NAPRT: variants seen among roughly 807,000 people sequenced by gnomAD.
The protein encoded by NAPRT is FHA-HIT-interacting protein.
NAPRT carries 66 observed loss-of-function variants against 60.7 expected under a neutral mutation model. The observed-to-expected ratio is 1.09, with a 90% CI of 0.89 to 1.33. The LOEUF is 1.33. Among genes scored for constraint, NAPRT ranks in the 40% most tolerant of loss-of-function variants. NAPRT has a pLI of 0.00. For missense variants in NAPRT, 818 were observed against 731.5 expected, an observed-to-expected ratio of 1.12 and a Z score of -1.36; for synonymous variants, 405 against 335.7, an observed-to-expected ratio of 1.21 and a Z score of -2.26.
chr8:143,577,407 G>C lies in NAPRT; in HGVS notation c.438-8C>G, dbSNP rs779782576. The C allele has an allele frequency of 2.5e-6, 4 of 1,604,248 alleles. No homozygotes were observed. Among genetic ancestry groups the C allele is most frequent in the Non-Finnish European group, 3.4e-6 (4 of 1,176,206 alleles). ...GCGTTGGTGGCCACCAGGCTGTGGG[G>C]AGCCAAGAGTCAGGGGGTCCCAGGG... On this transcript the variant is annotated splice_polypyrimidine_tract_variant and splice_region_variant and intron_variant, in intron 3 of 12. Coordinates refer to ENST00000449291, the MANE Select transcript of NAPRT (RefSeq NM_145201.6).
rs756937895 is a variant in NAPRT at position 143,576,587 on chromosome 8, A to T, written c.882-15T>A. 1.9e-6 allele frequency: 3 copies of T among 1,608,406 alleles called. No homozygotes were observed. Among genetic ancestry groups the T allele is most frequent in the Non-Finnish European group, 2.5e-6 (3 of 1,177,286 alleles). ...GGAGACCACTCCTGCAGAAATAGAT[A>T]AGGGAGTCAGAGGCTGCTGAGGTTC... On this transcript the variant is annotated splice_polypyrimidine_tract_variant and intron_variant, in intron 6 of 12. Transcript: ENST00000449291.
At chr8:143,577,562 T>C (rs966345734) in intron 3 of NAPRT, 95 bp downstream of exon 3, 22 of 1,485,998 alleles carry the variant, frequency 1.5e-5, no homozygotes, top group Non-Finnish European at 2.0e-5. Flanking sequence ...CTGGGACCCC[T>C]GGGCAGCCAG....
Position 143,577,885 on chromosome 8 carries a change from G to T in NAPRT, c.285C>A (p.His95Gln). Reference sequence around the variant, plus strand: ...CCTCGGAGCAGTCGAGGGCCCGAAGGTGCTCGAAGAACGCAGGATCCGTGT... The same window carrying T: ...CCTCGGAGCAGTCGAGGGCCCGAAGTTGCTCGAAGAACGCAGGATCCGTGT... Reference protein sequence around the residue: ...PPDTDPAFFEHLRALDCSEVT... With the variant: ...PPDTDPAFFEQLRALDCSEVT... The change falls in exon 2 of 13, where the codon CAC becomes CAA. Residue 95 changes from histidine (H) to glutamine (Q), a missense_variant. By Grantham distance (24) the His-to-Gln change is conservative (BLOSUM62 0). Transcript: ENST00000449291. The T allele has an allele frequency of 6.2e-7, 1 of 1,612,366 alleles. No homozygotes were observed. Among genetic ancestry groups the T allele is most frequent in the Non-Finnish European group, 8.5e-7 (1 of 1,179,772 alleles).
In NAPRT at chr8:143,577,418, C is replaced by T; in HGVS notation, c.438-19G>A. 6.3e-7 allele frequency: 1 copy of T among 1,595,086 alleles called. No individual in the cohort carries two copies. Among genetic ancestry groups the T allele is most frequent in the Non-Finnish European group, 8.5e-7 (1 of 1,170,438 alleles). Reference sequence around the variant, plus strand: ...CACCAGGCTGTGGGGAGCCAAGAGTCAGGGGGTCCCAGGGTGAGGATCACT... The same window carrying T: ...CACCAGGCTGTGGGGAGCCAAGAGTTAGGGGGTCCCAGGGTGAGGATCACT... On this transcript the variant is annotated intron_variant, in intron 3 of 12. Transcript: ENST00000449291.
rs1416629565 is a variant in NAPRT, at chr8:143,576,141, C to T, written c.1044G>A (p.Glu348=). Residue 348 remains glutamate, a synonymous_variant, in exon 8 of 13, where the codon GAG becomes GAA. Transcript: ENST00000449291. The part of the protein sequence containing the change: ...AAAQFQVPWL[E]SVLIVVSNNI... The stretch of plus-strand genomic sequence containing the variant: ...TGTTGCTGACTACGATGAGGACTGA[C>T]TCCAGCCAGGGCACCTGGAACCTGC... 1 of 1,603,844 alleles carries T rather than the reference C, an allele frequency of 6.2e-7. No individual in the cohort carries two copies. Among genetic ancestry groups the T allele is most frequent in the Admixed American group, 1.7e-5 (1 of 59,386 alleles).
At position 143,574,911 on chromosome 8, in the gene NAPRT, C is replaced by T. The variant is rs1824317122; in HGVS notation, c.1555-11G>A. ...CTCGGACAGCACCACCTGCAGGGAGCAGAGGACAGGAGCGGTGGGCAGGGT... is the reference window on the plus strand; with the variant it reads ...CTCGGACAGCACCACCTGCAGGGAGTAGAGGACAGGAGCGGTGGGCAGGGT... On this transcript the variant is annotated splice_polypyrimidine_tract_variant and intron_variant, in intron 12 of 12. Transcript: ENST00000449291. 4 of 1,550,604 alleles carry T rather than the reference C, an allele frequency of 2.6e-6. No homozygotes were observed. Among genetic ancestry groups the T allele is most frequent in the Non-Finnish European group, 3.5e-6 (4 of 1,146,990 alleles).
At chr8:143,574,758 A>G, downstream of NAPRT, 7 of 1,530,308 alleles carry the variant, frequency 4.6e-6, no homozygotes, top group Non-Finnish European at 6.2e-6. Context: ...CTGGGTGAAC[A>G]AACGACACAA....
In NAPRT at chr8:143,577,170, G is replaced by C; in HGVS notation, c.576C>G (p.Asp192Glu). The change falls in exon 5 of 13, where the codon GAC becomes GAG. Residue 192 changes from aspartate to glutamate, a missense_variant. Physicochemically the swap from Asp to Glu is conservative, Grantham distance 45 (BLOSUM62 2). Transcript: ENST00000449291. ...GGCCCGCTAGCACGTTGCTGCTGCT[G>C]TCGAAGCCTGGGGAGGAAGGCGGTG... ...ASTYSYLGGF[D>E]SSSNVLAGQL... 6.2e-7 allele frequency: 1 copy of C among 1,611,820 alleles called. No homozygotes were observed. Among genetic ancestry groups the C allele is most frequent in the East Asian group, 2.2e-5 (1 of 44,838 alleles).
In NAPRT at chr8:143,576,468, TGA is replaced by T; in HGVS notation, c.984_985del (p.Gln329GlyfsTer30). 1.9e-6 allele frequency: 3 copies of T among 1,611,996 alleles called. No homozygotes were observed. The highest frequency in any genetic ancestry group is 2.5e-6 in the Non-Finnish European group (3 of 1,179,382). ...AGCTCGGAAGACCTTGCGGATCTCC[TGA>T]GCCTGCTGTAGCAGGTCACCACTGT... On this transcript the variant is annotated frameshift_variant, in exon 7 of 13. Transcript: ENST00000449291. LOFTEE classifies it high-confidence loss of function.
chr8:143,576,108 G>T lies in NAPRT; in HGVS notation c.1077C>A (p.Asp359Glu). 1 of 1,605,344 alleles carries T rather than the reference G, an allele frequency of 6.2e-7. No homozygotes were observed. ...SVLIVVSNNI[D>E]EEALARLAQE... ...GGGCCAGTCGGGCCAGCGCCTCCTCGTCAATGTTGTTGCTGACTACGATGA... is the reference window on the plus strand; with the variant it reads ...GGGCCAGTCGGGCCAGCGCCTCCTCTTCAATGTTGTTGCTGACTACGATGA... Residue 359 changes from aspartate (D) to glutamate (E), a missense_variant, in exon 8 of 13, where the codon GAC becomes GAA. Physicochemically the swap from Asp to Glu is conservative, Grantham distance 45. Transcript: ENST00000449291.
rs770752101 is a variant in NAPRT at position 143,576,857 on chromosome 8, C to T, written c.685-15G>A. 5.0e-6 allele frequency: 8 copies of T among 1,584,934 alleles called. No individual in the cohort carries two copies. The highest frequency in any genetic ancestry group is 1.7e-5 in the Admixed American group (1 of 57,786). On this transcript the variant is annotated splice_polypyrimidine_tract_variant and intron_variant, in intron 5 of 12. Transcript: ENST00000449291. ...GGCGCCAACATCTGTGGAACAGAGT[C>T]GGTGAAGAATGGGGGCCAGGAATGC...
intron 7 of NAPRT, 22 bp downstream of exon 7, chr8:143,576,410 A>G: frequency 6.3e-7 from 1 of 1,587,226 alleles, no homozygotes; most frequent in Non-Finnish European, 8.6e-7. Flanking sequence ...CACCAGGCAC[A>G]CCTCCTCCCC....
downstream of NAPRT, among the ~76,000 whole-genome samples, chr8:143,573,278 G>A (rs1372914567): frequency 6.6e-6 from 1 of 152,188 alleles, no homozygotes; most frequent in East Asian, 1.9e-4. Flanking sequence ...GGGGCAGCCC[G>A]GAGGTGTGGA....
chr8:143,575,619 T>C lies in NAPRT; in HGVS notation c.1188+3A>G, dbSNP rs768557276. The C allele has an allele frequency of 6.3e-7, 1 of 1,592,370 alleles. No homozygotes were observed. The highest frequency in any genetic ancestry group is 1.1e-5 in the South Asian group (1 of 88,522). Reference sequence around the variant, plus strand: ...CCACCTGGGCCCCCGACACTGTCCCTACCTTATAGACGCCACCCAGGGAAG... The same window carrying C: ...CCACCTGGGCCCCCGACACTGTCCCCACCTTATAGACGCCACCCAGGGAAG... On this transcript the variant is annotated splice_donor_region_variant and intron_variant, in intron 9 of 12. Transcript: ENST00000449291.
In NAPRT at chr8:143,577,865, G is replaced by A; in HGVS notation, c.305C>T (p.Ser102Phe). The A allele has an allele frequency of 1.2e-6, 2 of 1,612,224 alleles. No individual in the cohort carries two copies. Among genetic ancestry groups the A allele is most frequent in the South Asian group, 2.2e-5 (2 of 91,062 alleles). The part of the protein sequence containing the change: ...FFEHLRALDC[S>F]EVTVRALPEG... ...GGGCAGGGCTCGCACCGTCACCTCG[G>A]AGCAGTCGAGGGCCCGAAGGTGCTC... The change falls in exon 2 of 13, where the codon TCC (serine) becomes TTC (phenylalanine). Residue 102 changes from serine to phenylalanine, a missense_variant. Transcript: ENST00000449291.
Position 143,577,813 on chromosome 8 carries a change from C to T in NAPRT, c.354+3G>A. ...GCCGCGCCGCCCGCTTACCCCTACT[C>T]ACTCCGGGGAAGGCGAGGGAGCCCT... On this transcript the variant is annotated splice_donor_region_variant and intron_variant, in intron 2 of 12. Transcript: ENST00000449291. 1.9e-6 allele frequency: 3 copies of T among 1,605,280 alleles called. No individual in the cohort carries two copies. Among genetic ancestry groups the T allele is most frequent in the Non-Finnish European group, 2.5e-6 (3 of 1,177,078 alleles).
rs749577834 is a variant in NAPRT at position 143,576,771 on chromosome 8, C to A, written c.756G>T (p.Gln252His). The stretch of plus-strand genomic sequence containing the variant: ...CCCCCAGCCCCAGGTGGGCACACAC[C>A]TGCTCCAGCCACACCTGGGCTTTGG... ...LAAKAQVWLE[Q>H]VCAHLGLGVQ... The change falls in exon 6 of 13, where the codon CAG becomes CAT. Residue 252 changes from glutamine (Q) to histidine (H), a missense_variant. By Grantham distance (24) the Gln-to-His change is conservative. Transcript: ENST00000449291. 1.6e-5 allele frequency: 25 copies of A among 1,607,746 alleles called. No homozygotes were observed. The highest frequency in any genetic ancestry group is 2.0e-5 in the Non-Finnish European group (24 of 1,178,810).
rs781005385 is a variant in NAPRT at position 143,575,418 on chromosome 8, C to T, written c.1291+5G>A. ...TGGACAGCAGGGGGGATGGGAGGGCCTCACCGTCAGAGCCCAGGAGCCGGA... is the reference window on the plus strand; with the variant it reads ...TGGACAGCAGGGGGGATGGGAGGGCTTCACCGTCAGAGCCCAGGAGCCGGA... On this transcript the variant is annotated splice_donor_5th_base_variant and intron_variant, in intron 10 of 12. Transcript: ENST00000449291. The T allele has an allele frequency of 5.7e-6, 9 of 1,592,154 alleles. No individual in the cohort carries two copies. Among genetic ancestry groups the T allele is most frequent in the Non-Finnish European group, 6.9e-6 (8 of 1,162,950 alleles).
chr8:143,575,847 C>T lies in NAPRT; in HGVS notation c.1108-145G>A, dbSNP rs1471862709. On this transcript the variant is annotated intron_variant, in intron 8 of 12. Transcript: ENST00000449291. Reference sequence around the variant, plus strand: ...TGGGTGGGGAAGGAGGTGCCAGTGCCCTAGGTGGGGAAGGAGGTGGCACTG... The same window carrying T: ...TGGGTGGGGAAGGAGGTGCCAGTGCTCTAGGTGGGGAAGGAGGTGGCACTG... 20 of 431,074 alleles carry T rather than the reference C, an allele frequency of 4.6e-5. 1 individual carries two copies. The highest frequency in any genetic ancestry group is 6.5e-5 in the Non-Finnish European group (18 of 277,894). The allele number at this position is 431,074 out of a possible 1,614,324, so 26.7% of individuals were successfully genotyped here.
Sources: gnomAD v4.1 joint callset for allele counts (sites outside exome capture counted in the v4.1 genomes callset) on GRCh38, gnomAD v4.1.1 for gene constraint, MANE v1.5 for transcripts, NCBI Gene and HGNC (gene_info 2026-07-23, HGNC 2026-07-21) for gene names.